The following RP1 variants were observed in gnomAD, a reference collection of about 807,000 sequenced individuals.
The protein encoded by RP1 is RP1 axonemal microtubule associated.
RP1 carries 16 observed loss-of-function variants against 14.8 expected under a neutral mutation model. The observed-to-expected ratio is 1.08, with a 90% CI of 0.73 to 1.65. The LOEUF is 1.65. Ranked by LOEUF, RP1 falls within the 40% of genes most tolerant of loss-of-function variation. The probability of loss-of-function intolerance (pLI) is 0.00; values close to 1 mark genes in which losing one functional copy is unlikely to be tolerated. For missense variants in RP1, 2,631 were observed against 2,535.0 expected (o/e 1.04, Z -0.81); for synonymous variants, 876 against 883.6 (o/e 0.99, Z 0.15).
At chr8:54,586,806 A>G (rs1211402102) in intron 1 of RP1, among the ~76,000 whole-genome samples, 1 of 152,208 alleles carries the variant, frequency 6.6e-6, no homozygotes, top group Non-Finnish European at 1.5e-5. Context: ...GGTGCGGGAT[A>G]TAATCTCGTG....
rs62514653 is a variant in RP1 at position 54,756,265 on chromosome 8, T to C, written c.3093+495T>C. ...TTATAGACAAACATAAGTCTTTCTA[T>C]ATAGTAGATCTTTGAGAAGTTGCAG... On this transcript the variant is annotated intron_variant, in intron 21 of 22. Coordinates refer to the RP1 transcript ENST00000636932. Among the ~76,000 whole-genome samples, 619 of 152,364 alleles carry C rather than the reference T, an allele frequency of 4.1e-3. 4 individuals carry two copies. Among genetic ancestry groups the C allele is most frequent in the Non-Finnish European group, 5.2e-3 (352 of 68,034 alleles).
intron 7 of RP1, among the ~76,000 whole-genome samples, chr8:54,670,336 T>C (rs551959847): frequency 2.0e-4 from 30 of 151,626 alleles, no homozygotes; most frequent in Non-Finnish European, 3.1e-4. Context: ...CTATCCATTA[T>C]TGAAAGTGGG....
At chr8:54,869,334 C>T (rs10107824) in intron 28 of RP1, among the ~76,000 whole-genome samples, 100,291 of 151,994 alleles carry the variant, frequency 0.66, 34,118 homozygotes, top group African/African-American at 0.84. Context: ...GAATGTGATA[C>T]AATTTTTATA....
At chr8:54,808,394 G>A (rs988982476) in intron 24 of RP1, among the ~76,000 whole-genome samples, 4 of 152,182 alleles carry the variant, frequency 2.6e-5, no homozygotes, top group Non-Finnish European at 5.9e-5. Flanking sequence ...CCCAGAGTGT[G>A]GAAGTGGACA....
intron 17 of RP1, among the ~76,000 whole-genome samples, chr8:54,728,979 T>C (rs1187243986): frequency 6.6e-6 from 1 of 152,178 alleles, no homozygotes; most frequent in Non-Finnish European, 1.5e-5. Context: ...AAAGCAAATA[T>C]AAGACACCAT....
intron 22 of RP1, among the ~76,000 whole-genome samples, chr8:54,767,944 G>A (rs1809802060): frequency 6.6e-6 from 1 of 152,124 alleles, no homozygotes; most frequent in Admixed American, 6.5e-5. Context: ...CCTGACAGCT[G>A]GGTAGGACTG....
intron 24 of RP1, among the ~76,000 whole-genome samples, chr8:54,835,140 A>G (rs1176787788): frequency 6.6e-6 from 1 of 152,144 alleles, no homozygotes; most frequent in Non-Finnish European, 1.5e-5. Flanking sequence ...AGGAAGTTAA[A>G]TGTAGAAAAC....
At chr8:54,803,977 A>T (rs1376281285) in intron 24 of RP1, among the ~76,000 whole-genome samples, 1 of 152,140 alleles carries the variant, frequency 6.6e-6, no homozygotes, top group African/African-American at 2.4e-5. Flanking sequence ...CTGAGGCAGG[A>T]GGATCGCTTG....
chr8:54,739,150 G>T lies in RP1; in HGVS notation c.2808+121G>T, dbSNP rs185425902. 1.9e-4 allele frequency: 106 copies of T among 544,644 alleles called. No homozygotes were observed. In the East Asian group the frequency reaches 3.2e-3, roughly 16 times the overall value. The allele number at this position is 544,644 out of a possible 1,614,324, so 33.7% of individuals were successfully genotyped here. A position where few individuals can be genotyped will look rare whatever the true frequency, so the allele number is the denominator to read the frequency against. On this transcript the variant is annotated intron_variant, in intron 19 of 22. Coordinates refer to the RP1 transcript ENST00000636932. ...ACAGATGCTCCTTGACTTACAGTGG[G>T]GTTATGCCTCTGTAAACTCATGGTA...
chr8:54,623,473 T>G (rs1279103932), intron 3 of RP1, among the ~76,000 whole-genome samples: 2 of 152,078 alleles, frequency 1.3e-5, no homozygotes, highest in African/African-American at 4.8e-5. Context: ...TAACAGGATT[T>G]TTTTTTTTTC....
intron 25 of RP1, among the ~76,000 whole-genome samples, chr8:54,843,222 T>TTATG (rs1256169561): frequency 3.3e-5 from 5 of 151,984 alleles, no homozygotes; most frequent in East Asian, 1.9e-4. Flanking sequence ...TTTTATGTAT[T>TTATG]TATGTATGTA....
chr8:54,699,528 G>A (rs1189296466), exon 13 of RP1: 3 of 1,410,534 alleles, frequency 2.1e-6, no homozygotes, highest in South Asian at 1.7e-5. Context: ...ATGAGATGAG[G>A]CATCTTTCTC....
At chr8:54,805,314 C>T (rs1810822104) in intron 24 of RP1, among the ~76,000 whole-genome samples, 1 of 152,154 alleles carries the variant, frequency 6.6e-6, no homozygotes, top group South Asian at 2.1e-4. Flanking sequence ...TATCTCTAAG[C>T]TATCTTTCAG....
At chr8:54,725,076 G>A (rs1028369093) in intron 16 of RP1, among the ~76,000 whole-genome samples, 1 of 152,152 alleles carries the variant, frequency 6.6e-6, no homozygotes, top group African/African-American at 2.4e-5. Context: ...TCTCTGGGCT[G>A]TAACCCCATC....
At chr8:54,638,412 T>A (rs1806391872) in intron 3 of RP1, among the ~76,000 whole-genome samples, 1 of 144,858 alleles carries the variant, frequency 6.9e-6, no homozygotes, top group Admixed American at 7.1e-5. Context: ...CACTCCAGCC[T>A]GGGCGACAGA....
intron 22 of RP1, among the ~76,000 whole-genome samples, chr8:54,768,799 A>C (rs923336139): frequency 2.6e-5 from 4 of 152,092 alleles, no homozygotes; most frequent in Non-Finnish European, 4.4e-5. Flanking sequence ...ACTAAAGTTT[A>C]CCTGGTTTAG....
chr8:54,744,759 A>C (rs1421467259), intron 19 of RP1, among the ~76,000 whole-genome samples: 2 of 152,162 alleles, frequency 1.3e-5, no homozygotes, highest in African/African-American at 4.8e-5. Context: ...TTATTCCTCC[A>C]CGTGCATTTG....
chr8:54,851,969 A>T (rs942184197), intron 25 of RP1, among the ~76,000 whole-genome samples: 2 of 152,242 alleles, frequency 1.3e-5, no homozygotes, highest in Admixed American at 6.5e-5. Context: ...CAGCAAGAAC[A>T]ATCGCTTTTC....
In RP1 at chr8:54,807,632, GTCTATCTATCTA is replaced by G. The variant is rs145286591; in HGVS notation, c.3615+23956_3615+23967del. ...TGCATCTCTATCTACCTGTCTGTCT[GTCTATCTATCTA>G]TCTATCTATCTATCTATCTATCTAT... On this transcript the variant is annotated intron_variant, in intron 24 of 28. Coordinates refer to the RP1 transcript ENST00000637698. Among the ~76,000 whole-genome samples the G allele has an allele frequency of 2.4e-3, 295 of 125,052 alleles. 2 individuals are homozygous for G. Among genetic ancestry groups the G allele is most frequent in the South Asian group, 3.8e-3 (14 of 3,718 alleles). 82.0% of individuals were successfully genotyped at this position (125,052 alleles called of 152,430 possible).
Sources: gnomAD v4.1 joint callset for allele counts (sites outside exome capture counted in the v4.1 genomes callset) on GRCh38, gnomAD v4.1.1 for gene constraint, MANE v1.5 for transcripts, NCBI Gene and HGNC (gene_info 2026-07-23, HGNC 2026-07-21) for gene names.